PARD3B: variants seen among roughly 807,000 people sequenced by gnomAD.
The protein encoded by PARD3B is par-3 family cell polarity regulator beta.
In PARD3B, 103 loss-of-function variants were observed where a neutral mutation model predicts 130.2. The ratio of observed to expected loss-of-function variants is 0.79; its 90% CI spans 0.67 to 0.93. PARD3B has a LOEUF of 0.93. Ranked by LOEUF, PARD3B falls within the 40% of genes least tolerant of loss-of-function variation. The pLI, the probability that PARD3B is intolerant of heterozygous loss-of-function variation, is 0.00. For synonymous variants in PARD3B, 583 were observed against 553.2 expected (o/e 1.05, Z -0.76); for missense variants, 1,609 against 1,499.2 (o/e 1.07, Z -1.21).
At chr2:204,593,234 A>G (rs374771112) in intron 1 of PARD3B, among the ~76,000 whole-genome samples, 37 of 152,320 alleles carry the variant, frequency 2.4e-4, no homozygotes, top group Admixed American at 9.8e-4. Context: ...ACAAAATCCA[A>G]TCAAACACCA....
chr2:204,838,645 T>G (rs996271549), intron 2 of PARD3B, among the ~76,000 whole-genome samples: 2 of 152,148 alleles, frequency 1.3e-5, no homozygotes, highest in African/African-American at 4.8e-5. Flanking sequence ...ACCTAGTGTT[T>G]GATAGAATCA....
At chr2:204,938,174 G>GA (rs573654757) in intron 2 of PARD3B, among the ~76,000 whole-genome samples, 1 of 152,132 alleles carries the variant, frequency 6.6e-6, no homozygotes, top group Non-Finnish European at 1.5e-5. Flanking sequence ...ATTAAAGGGG[G>GA]AAAAAAGTCA....
chr2:205,571,322 T>C (rs1038803745), intron 22 of PARD3B, among the ~76,000 whole-genome samples: 4 of 152,220 alleles, frequency 2.6e-5, no homozygotes, highest in African/African-American at 7.2e-5. Flanking sequence ...TTTTTTTACA[T>C]ATGAGTAACT....
At chr2:205,209,510 C>A (rs2037506114) in intron 15 of PARD3B, among the ~76,000 whole-genome samples, 3 of 151,654 alleles carry the variant, frequency 2.0e-5, no homozygotes, top group Non-Finnish European at 4.4e-5. Flanking sequence ...TGAACCAAAT[C>A]CATTTTAGTT....
chr2:204,867,956 G>T (rs966049307), intron 2 of PARD3B, among the ~76,000 whole-genome samples: 3 of 152,178 alleles, frequency 2.0e-5, no homozygotes, highest in South Asian at 2.1e-4. Flanking sequence ...AGTGTCTTGG[G>T]CTGGCAAGGA....
At chr2:204,711,627 C>T (rs1198873173) in intron 2 of PARD3B, among the ~76,000 whole-genome samples, 1 of 151,950 alleles carries the variant, frequency 6.6e-6, no homozygotes, top group African/African-American at 2.4e-5. Flanking sequence ...CTCACTGCAA[C>T]CTCTGCCTCC....
At chr2:205,203,940 T>A (rs77668941) in intron 15 of PARD3B, among the ~76,000 whole-genome samples, 4,903 of 152,316 alleles carry the variant, frequency 0.032, 240 homozygotes, top group African/African-American at 0.11. Flanking sequence ...CAGAGTAGCA[T>A]GATTTATAAT....
At chr2:205,017,236 C>A (rs1232765980) in intron 3 of PARD3B, among the ~76,000 whole-genome samples, 1 of 152,110 alleles carries the variant, frequency 6.6e-6, no homozygotes, top group African/African-American at 2.4e-5. Flanking sequence ...AGTGCCATAA[C>A]ACAGAACATT....
At chr2:205,602,936 C>T (rs907100491) in intron 22 of PARD3B, among the ~76,000 whole-genome samples, 5 of 152,048 alleles carry the variant, frequency 3.3e-5, no homozygotes, top group African/African-American at 1.2e-4. Context: ...TTCTCCAGTT[C>T]TTTTAATTGT....
Position 205,331,393 on chromosome 2 carries a change from C to T in PARD3B, c.2630+29692C>T, listed in dbSNP as rs565978268. Among the ~76,000 whole-genome samples, 88 of 152,122 alleles carry T rather than the reference C, an allele frequency of 5.8e-4. 1 individual carries two copies. The highest frequency in any genetic ancestry group is 2.0e-3 in the African/African-American group (85 of 41,494). On this transcript the variant is annotated intron_variant, in intron 18 of 22. Transcript: ENST00000406610. ...TAGGAGTTTCCCTTTTCCTAGAAACCTAAGCCAGAAGTTCTCCTCACAGCC... is the reference window on the plus strand; with the variant it reads ...TAGGAGTTTCCCTTTTCCTAGAAACTTAAGCCAGAAGTTCTCCTCACAGCC...
At chr2:204,665,632 A>G (rs974722797) in intron 1 of PARD3B, among the ~76,000 whole-genome samples, 13 of 152,188 alleles carry the variant, frequency 8.5e-5, no homozygotes, top group Admixed American at 5.2e-4. Flanking sequence ...AGTGTGTAAA[A>G]TCTGGGTCTC....
At chr2:205,410,975 G>C (rs1227905828) in intron 19 of PARD3B, among the ~76,000 whole-genome samples, 1 of 152,104 alleles carries the variant, frequency 6.6e-6, no homozygotes, top group Non-Finnish European at 1.5e-5. Context: ...TCCAAACTTT[G>C]AATATGCTTT....
At chr2:205,099,456 A>G (rs753671596) in intron 4 of PARD3B, among the ~76,000 whole-genome samples, 3 of 152,220 alleles carry the variant, frequency 2.0e-5, no homozygotes, top group Non-Finnish European at 4.4e-5. Flanking sequence ...AAGTCATTTA[A>G]ATAAGCAATG....
chr2:205,557,981 C>T (rs1382606013), intron 22 of PARD3B, among the ~76,000 whole-genome samples: 1 of 152,170 alleles, frequency 6.6e-6, no homozygotes, highest in Non-Finnish European at 1.5e-5. Flanking sequence ...GGAAGCAGCA[C>T]CTGCATGGGG....
At chr2:205,598,365 A>G (rs1273580728) in intron 22 of PARD3B, among the ~76,000 whole-genome samples, 3 of 147,118 alleles carry the variant, frequency 2.0e-5, no homozygotes, top group African/African-American at 7.5e-5. Context: ...AGAAAGGACA[A>G]AAAAAAAAAG....
At chr2:204,629,651 C>T (rs550125837) in intron 1 of PARD3B, among the ~76,000 whole-genome samples, 1 of 152,176 alleles carries the variant, frequency 6.6e-6, no homozygotes, top group Admixed American at 6.5e-5. Flanking sequence ...TTGTATAATG[C>T]CACACTGGGC....
intron 1 of PARD3B, among the ~76,000 whole-genome samples, chr2:204,584,531 C>A (rs964739727): frequency 6.6e-6 from 1 of 152,092 alleles, no homozygotes; most frequent in African/African-American, 2.4e-5. Flanking sequence ...CACAAGCATA[C>A]GTTCTTACAT....
rs1238636551 is a variant in PARD3B at position 205,568,844 on chromosome 2, C to A, written c.3260+15441C>A. ...ATGAAGCCTGTAAAACTGGATCAGT[C>A]ACATCCAGTTCAATTAAGATGCTTA... On this transcript the variant is annotated intron_variant, in intron 22 of 22. Transcript: ENST00000406610. The surrounding 1 kb of genome is among the most constrained non-coding windows in gnomAD (Gnocchi z 5.3). Among the ~76,000 whole-genome samples the A allele has an allele frequency of 2.0e-5, 3 of 152,122 alleles. No individual in the cohort carries two copies. The highest frequency in any genetic ancestry group is 2.9e-5 in the Non-Finnish European group (2 of 68,034).
At position 205,300,852 on chromosome 2, in the gene PARD3B, T is replaced by C. The variant is rs1045257203; in HGVS notation, c.2392+116T>C. ...TGATTTAAGGATCACAATTATATTT[T>C]TGATATTAAAAGTAATTCATTTTCC... On this transcript the variant is annotated intron_variant, in intron 17 of 22. Transcript: ENST00000406610. This position sits in a 1 kb window ranked among gnomAD's most constrained non-coding sequence, Gnocchi z 4.1. 9.8e-6 allele frequency: 11 copies of C among 1,119,984 alleles called. No individual in the cohort carries two copies. The highest frequency in any genetic ancestry group is 1.6e-5 in the South Asian group (1 of 60,752). The allele number at this position is 1,119,984 out of a possible 1,614,324, so 69.4% of individuals were successfully genotyped here.
Sources: allele counts gnomAD v4.1 joint callset (sites outside exome capture counted in the v4.1 genomes callset), GRCh38; gene constraint gnomAD v4.1.1; non-coding constraint Gnocchi (gnomAD v3.1); transcripts MANE v1.5; gene names NCBI Gene and HGNC (gene_info 2026-07-23, HGNC 2026-07-21).